Variants in MEGF6 observed in about 807,000 individuals in gnomAD.
The protein encoded by MEGF6 is multiple epidermal growth factor-like domains protein 6.
In MEGF6, 184 loss-of-function variants were observed where a neutral mutation model predicts 207.1. The ratio of observed to expected loss-of-function variants is 0.89; its 90% CI spans 0.79 to 1.00. The LOEUF (loss-of-function observed/expected upper bound fraction) is 1.00. Among genes scored for constraint, MEGF6 ranks in the 50% least tolerant of loss-of-function variants. MEGF6 has a pLI of 0.00. For synonymous variants in MEGF6, 1,038 were observed against 910.0 expected (o/e 1.14, Z -2.53); for missense variants, 2,282 against 2,202.9 (o/e 1.04, Z -0.72).
Position 3,493,534 on chromosome 1 carries a change from C to T in MEGF6, c.4387+237G>A, listed in dbSNP as rs1640465421. On this transcript the variant is annotated intron_variant, in intron 34 of 36. Coordinates refer to ENST00000356575, the MANE Select transcript of MEGF6 (RefSeq NM_001409.4). ...TCCCATGACCATGGCCTTCCTGGGA[C>T]GTTGTGGGGGCCACACGGCAGGGCC... 2.9e-5 allele frequency: 17 copies of T among 582,042 alleles called. No individual in the cohort carries two copies. In the Middle Eastern group the frequency reaches 1.8e-3, roughly 62 times the overall value. The allele number at this position is 582,042 out of a possible 1,614,324, so 36.1% of individuals were successfully genotyped here.
chr1:3,544,920 C>T (rs1642653021), intron 4 of MEGF6, among the ~76,000 whole-genome samples: 1 of 152,170 alleles, frequency 6.6e-6, no homozygotes, highest in South Asian at 2.1e-4. Flanking sequence ...AGGCTGACCT[C>T]GGGAGGATGA....
At chr1:3,500,344 G>T (rs962989927) in intron 21 of MEGF6, among the ~76,000 whole-genome samples, 1 of 152,268 alleles carries the variant, frequency 6.6e-6, no homozygotes, top group African/African-American at 2.4e-5. Flanking sequence ...GCCTGGTGCA[G>T]GTCGGTGAGA....
In MEGF6 at chr1:3,494,738, C is replaced by A. The variant is rs1439942846; in HGVS notation, c.3875G>T (p.Cys1292Phe). The A allele has an allele frequency of 6.3e-7, 1 of 1,577,996 alleles. No individual in the cohort carries two copies. Among genetic ancestry groups the A allele is most frequent in the Admixed American group, 1.8e-5 (1 of 56,918 alleles). ...GCCCACGCCAAACCGGTTCTGGGGGCAGCCTGGAGACAGAAGGCAGGTGCT... is the reference window on the plus strand; with the variant it reads ...GCCCACGCCAAACCGGTTCTGGGGGAAGCCTGGAGACAGAAGGCAGGTGCT... ...GRAGVRCERG[C>F]PQNRFGVGCE... The change falls in exon 31 of 37, where the codon TGC (cysteine) becomes TTC (phenylalanine). Residue 1292 changes from cysteine (C) to phenylalanine (F), a missense_variant. Physicochemically the swap from Cys to Phe is radical, Grantham distance 205. Coordinates refer to ENST00000356575, the MANE Select transcript of MEGF6 (RefSeq NM_001409.4).
intron 35 of MEGF6, among the ~76,000 whole-genome samples, chr1:3,492,075 C>T (rs901066879): frequency 6.6e-6 from 1 of 152,108 alleles, no homozygotes; most frequent in Non-Finnish European, 1.5e-5. Flanking sequence ...TGCAGGACTG[C>T]GTGCGTGGAC....
Position 3,560,343 on chromosome 1 carries a change from C to T in MEGF6, c.481+19482G>A, listed in dbSNP as rs754368786. On this transcript the variant is annotated intron_variant, in intron 4 of 36. Coordinates refer to ENST00000356575, the MANE Select transcript of MEGF6 (RefSeq NM_001409.4). This position sits in a 1 kb window ranked among gnomAD's most constrained non-coding sequence, Gnocchi z 4.0. ...TGAGTCCAGGGTTCCTTTCAGGGCC[C>T]ACTAGGGGCTGTGCATTCCATGGAC... 4.6e-5 allele frequency among the ~76,000 whole-genome samples: 7 copies of T among 152,154 alleles called. No homozygotes were observed. The highest frequency in any genetic ancestry group is 1.0e-4 in the Non-Finnish European group (7 of 68,024).
intron 4 of MEGF6, among the ~76,000 whole-genome samples, chr1:3,543,175 C>T (rs1235062839): frequency 6.6e-6 from 1 of 152,222 alleles, no homozygotes; most frequent in Non-Finnish European, 1.5e-5. Flanking sequence ...CTCCCAGGGC[C>T]GGGGCACCCT....
chr1:3,582,807 C>T (rs575506566), intron 3 of MEGF6, among the ~76,000 whole-genome samples: 46 of 152,288 alleles, frequency 3.0e-4, no homozygotes, highest in African/African-American at 1.1e-3. Context: ...GGCTCCCTAA[C>T]CCGTCTCCAA....
chr1:3,540,028 T>G (rs4648524), intron 4 of MEGF6, among the ~76,000 whole-genome samples: 39,128 of 152,062 alleles, frequency 0.26, 5,566 homozygotes, highest in Non-Finnish European at 0.32. Flanking sequence ...CAGCCCTCCG[T>G]GTTTATCTGG....
chr1:3,563,146 C>T lies in MEGF6; in HGVS notation c.481+16679G>A, dbSNP rs550166366. On this transcript the variant is annotated intron_variant, in intron 4 of 36. Coordinates refer to ENST00000356575, the MANE Select transcript of MEGF6 (RefSeq NM_001409.4). ...TGCCCCCTGTGTGCAAGCCCAGCGC[C>T]GGCCCCTCACAGTGAGTCACACACA... Among the ~76,000 whole-genome samples the T allele has an allele frequency of 3.2e-4, 49 of 152,298 alleles. 1 individual carries two copies. The South Asian group carries it at 6.0e-3, about 19-fold the overall frequency.
chr1:3,579,254 A>G (rs1427734109), intron 4 of MEGF6, among the ~76,000 whole-genome samples: 2 of 152,178 alleles, frequency 1.3e-5, no homozygotes, highest in Non-Finnish European at 2.9e-5. Context: ...ATTGGCACGC[A>G]CTTTTCTTTA....
chr1:3,574,414 C>T (rs2101718936), intron 4 of MEGF6, among the ~76,000 whole-genome samples: 1 of 152,296 alleles, frequency 6.6e-6, no homozygotes, highest in Non-Finnish European at 1.5e-5. Context: ...CCCAAACCTT[C>T]CCCAGCCCAC....
At chr1:3,553,444 G>A (rs1453302576) in intron 4 of MEGF6, among the ~76,000 whole-genome samples, 6 of 152,154 alleles carry the variant, frequency 3.9e-5, no homozygotes, top group Non-Finnish European at 8.8e-5. Flanking sequence ...AAGAGCTGAC[G>A]AGGAGGGGGA....
At chr1:3,583,486 A>G (rs376936842) in intron 3 of MEGF6, among the ~76,000 whole-genome samples, 11 of 14,712 alleles carry the variant, frequency 7.5e-4, no homozygotes, top group Non-Finnish European at 1.6e-3. Flanking sequence ...CAGACAACCC[A>G]CAGCCACCAG....
At chr1:3,517,433 C>T (rs1203013648) in intron 5 of MEGF6, among the ~76,000 whole-genome samples, 1 of 152,242 alleles carries the variant, frequency 6.6e-6, no homozygotes, top group African/African-American at 2.4e-5. Flanking sequence ...CCAGTCCACA[C>T]AGTTCTAACA....
In MEGF6 at chr1:3,517,353, G is replaced by A. The variant is rs115547736; in HGVS notation, c.605-1826C>T. On this transcript the variant is annotated intron_variant, in intron 5 of 36. Coordinates refer to ENST00000356575, the MANE Select transcript of MEGF6 (RefSeq NM_001409.4). The stretch of plus-strand genomic sequence containing the variant: ...GCACCCAGGGACCACCGGGCATGGC[G>A]CGCACTGGAGCCCACCAGGGCGGGG... Among the ~76,000 whole-genome samples the A allele has an allele frequency of 7.9e-3, 1,201 of 152,292 alleles. 8 individuals are homozygous for A. The highest frequency in any genetic ancestry group is 0.013 in the Non-Finnish European group (854 of 67,996).
At chr1:3,602,141 C>T (rs113881340) in intron 2 of MEGF6, among the ~76,000 whole-genome samples, 3,902 of 152,316 alleles carry the variant, frequency 0.026, 158 homozygotes, top group African/African-American at 0.087. Flanking sequence ...AGCCTCCCAC[C>T]GGGCCCCTGG....
chr1:3,536,285 G>GT (rs1203724507), intron 4 of MEGF6, among the ~76,000 whole-genome samples: 1 of 148,908 alleles, frequency 6.7e-6, no homozygotes, highest in Non-Finnish European at 1.5e-5. Context: ...CATTCATTTA[G>GT]TTTTTTATGC....
In MEGF6 at chr1:3,493,503, G is replaced by A. The variant is rs746591262; in HGVS notation, c.4387+268C>T. ...AGGGAAGTCTTTCCACCCAACCAGA[G>A]CCCCCTCCCATGACCATGGCCTTCC... On this transcript the variant is annotated intron_variant, in intron 34 of 36. Coordinates refer to ENST00000356575, the MANE Select transcript of MEGF6 (RefSeq NM_001409.4). 9.3e-6 allele frequency: 5 copies of A among 535,678 alleles called. No individual in the cohort carries two copies. In the East Asian group the frequency reaches 1.6e-4, roughly 17 times the overall value. The allele number at this position is 535,678 out of a possible 1,614,324, so 33.2% of individuals were successfully genotyped here.
Position 3,611,500 on chromosome 1 carries a change from G to A in MEGF6, c.-232C>T, listed in dbSNP as rs1557436429. 6.2e-6 allele frequency: 3 copies of A among 484,822 alleles called. No homozygotes were observed. Among genetic ancestry groups the A allele is most frequent in the Non-Finnish European group, 1.0e-5 (3 of 296,768 alleles). 30.0% of individuals were successfully genotyped at this position (484,822 alleles called of 1,614,324 possible). A position where few individuals can be genotyped will look rare whatever the true frequency, so the allele number is the denominator to read the frequency against. Reference sequence around the variant, plus strand: ...CTGCAGGAACTCGCCCCGGCGCGTTGAGCACAGTGCCCCGGACTCAGAGCC... The same window carrying A: ...CTGCAGGAACTCGCCCCGGCGCGTTAAGCACAGTGCCCCGGACTCAGAGCC... On this transcript the variant is annotated 5_prime_UTR_variant, in exon 1 of 37. Coordinates refer to ENST00000356575, the MANE Select transcript of MEGF6 (RefSeq NM_001409.4).
Sources: gnomAD v4.1 joint callset for allele counts (sites outside exome capture counted in the v4.1 genomes callset) on GRCh38, gnomAD v4.1.1 for gene constraint, Gnocchi (gnomAD v3.1) non-coding constraint, MANE v1.5 for transcripts, NCBI Gene and HGNC (gene_info 2026-07-23, HGNC 2026-07-21) for gene names.